KIAA0513: variants seen among roughly 807,000 people sequenced by gnomAD.
KIAA0513 encodes the protein KIAA0513, also known as uncharacterized protein KIAA0513.
Under a neutral mutation model 56.5 loss-of-function variants are expected in KIAA0513, and 39 were observed. The observed-to-expected ratio is 0.69, with a 90% CI of 0.53 to 0.90. The LOEUF (loss-of-function observed/expected upper bound fraction) is 0.90. Among genes scored for constraint, KIAA0513 ranks in the 40% least tolerant of loss-of-function variants. The pLI is 0.00. For missense variants in KIAA0513, 591 were observed against 535.2 expected (o/e 1.10, Z -1.03); for synonymous variants, 268 against 215.6 (o/e 1.24, Z -2.13).
intron 1 of KIAA0513, among the ~76,000 whole-genome samples, chr16:85,049,092 T>C (rs2073211388): frequency 6.6e-6 from 1 of 152,230 alleles, no homozygotes; most frequent in Non-Finnish European, 1.5e-5. Context: ...CCCTCTGTCT[T>C]AGCTCCCTGC....
intron 1 of KIAA0513, among the ~76,000 whole-genome samples, chr16:85,032,611 C>G (rs2072980098): frequency 6.6e-6 from 1 of 152,080 alleles, no homozygotes. Context: ...GGATGACCTC[C>G]TCTTAACTAA....
chr16:85,035,550 G>A (rs1174001894), intron 1 of KIAA0513, among the ~76,000 whole-genome samples: 1 of 152,200 alleles, frequency 6.6e-6, no homozygotes, highest in African/African-American at 2.4e-5. Flanking sequence ...GAGTGCAGTG[G>A]TGCAATCACC....
Position 85,093,200 on chromosome 16 carries a change from T to C in KIAA0513, c.*4875T>C, listed in dbSNP as rs11548969. On this transcript the variant is annotated 3_prime_UTR_variant, in exon 13 of 13. Transcript: ENST00000683363. ...GGGAGCGCGGCGCTGCCTGTAGCTG[T>C]GCCTGGGGATGCACGTGGCCACGGG... 0.38 allele frequency: 55,117 copies of C among 145,992 alleles called. 10,489 individuals carry two copies. The highest frequency in any genetic ancestry group is 0.44 in the Middle Eastern group (128 of 288). The allele number at this position is 145,992 out of a possible 1,614,324, so 9.0% of individuals were successfully genotyped here.
In KIAA0513 at chr16:85,083,842, C is replaced by G. The variant is rs1451023309; in HGVS notation, c.1010+1249C>G. Among the ~76,000 whole-genome samples the G allele has an allele frequency of 2.0e-5, 3 of 152,316 alleles. No individual in the cohort carries two copies. In the East Asian group the frequency reaches 5.8e-4, roughly 29 times the overall value. On this transcript the variant is annotated intron_variant, in intron 10 of 12. Transcript: ENST00000683363. Reference sequence around the variant, plus strand: ...AAGTCCCCAGGCAACCTCATGCTTCCAACATGCCATCTCTTTTTTGGTAAC... The same window carrying G: ...AAGTCCCCAGGCAACCTCATGCTTCGAACATGCCATCTCTTTTTTGGTAAC...
intron 9 of KIAA0513, 151 bp from the exon 10 acceptor site, chr16:85,082,413 A>C (rs1305403144): frequency 1.4e-6 from 1 of 724,280 alleles, no homozygotes; most frequent in Non-Finnish European, 2.4e-6. Context: ...ACTTCTAGGA[A>C]GTGAATTTAT....
chr16:85,071,780 T>C lies in KIAA0513; in HGVS notation c.330-3T>C, dbSNP rs544345172. ...TTCCTCTGCTCTTTTTTTTTTTTTTTAGGGAGGACTTGGATCAGGAGGAGA... is the reference window on the plus strand; with the variant it reads ...TTCCTCTGCTCTTTTTTTTTTTTTTCAGGGAGGACTTGGATCAGGAGGAGA... On this transcript the variant is annotated splice_region_variant and splice_polypyrimidine_tract_variant and intron_variant, in intron 2 of 12. Coordinates refer to ENST00000683363, the MANE Select transcript of KIAA0513 (RefSeq NM_001388359.1). 181 of 1,567,906 alleles carry C rather than the reference T, an allele frequency of 1.2e-4. 1 individual carries two copies. In the African/African-American group the frequency reaches 2.3e-3, roughly 20 times the overall value.
At position 85,089,821 on chromosome 16, in the gene KIAA0513, C is replaced by G. The variant is rs1422428516; in HGVS notation, c.*1496C>G. ...TGGAATGTTCCAGAGACGGAACATT[C>G]TCTAGAGACAACAGTCTGTGCTGCA... is the stretch of plus-strand genomic sequence containing the variant. On this transcript the variant is annotated 3_prime_UTR_variant, in exon 13 of 13. Transcript: ENST00000683363. The surrounding 1 kb of genome is among the most constrained non-coding windows in gnomAD (Gnocchi z 4.2). 1.3e-5 allele frequency: 2 copies of G among 152,144 alleles called. No homozygotes were observed. The highest frequency in any genetic ancestry group is 1.3e-4 in the Admixed American group (2 of 15,280). 9.4% of individuals were successfully genotyped at this position (152,144 alleles called of 1,614,324 possible). A position where few individuals can be genotyped will look rare whatever the true frequency, so the allele number is the denominator to read the frequency against.
rs201214311 is a variant in KIAA0513 at position 85,082,121 on chromosome 16, TG to T, written c.981-440del. 8.2e-3 allele frequency among the ~76,000 whole-genome samples: 1,250 copies of T among 152,216 alleles called. 19 individuals are homozygous for T. Among genetic ancestry groups the T allele is most frequent in the African/African-American group, 0.028 (1,175 of 41,540 alleles). The stretch of plus-strand genomic sequence containing the variant: ...CTACCCTTCACTCTTGTCAGGAGAG[TG>T]GGCAGATGGCTGCTGTTGGGGGGAA... On this transcript the variant is annotated intron_variant, in intron 9 of 12. Coordinates refer to ENST00000683363, the MANE Select transcript of KIAA0513 (RefSeq NM_001388359.1).
chr16:85,036,261 C>T (rs993810795), intron 1 of KIAA0513, among the ~76,000 whole-genome samples: 1 of 152,090 alleles, frequency 6.6e-6, no homozygotes, highest in Non-Finnish European at 1.5e-5. Context: ...TGATGCAACC[C>T]TTATCATAAT....
At chr16:85,031,309 C>T (rs1242797202) in intron 1 of KIAA0513, among the ~76,000 whole-genome samples, 2 of 152,024 alleles carry the variant, frequency 1.3e-5, no homozygotes, top group Admixed American at 6.6e-5. Flanking sequence ...GGCAAAACCC[C>T]GTCTTTACCA....
intron 6 of KIAA0513, among the ~76,000 whole-genome samples, chr16:85,078,065 G>A (rs180691835): frequency 3.9e-5 from 6 of 152,230 alleles, no homozygotes; most frequent in Admixed American, 2.6e-4. Context: ...AGAAGTAGAC[G>A]CGTAGAAGCT....
chr16:85,088,408 T>A lies in KIAA0513; in HGVS notation c.*83T>A, dbSNP rs910651339. On this transcript the variant is annotated 3_prime_UTR_variant, in exon 13 of 13. Transcript: ENST00000683363. Reference sequence around the variant, plus strand: ...AGCGCCCGGCCGTCACCCCACCCGATGACCTGCATGAAGCCAGCAGCACCC... The same window carrying A: ...AGCGCCCGGCCGTCACCCCACCCGAAGACCTGCATGAAGCCAGCAGCACCC... 4.9e-6 allele frequency: 6 copies of A among 1,216,230 alleles called. No homozygotes were observed. Among genetic ancestry groups the A allele is most frequent in the African/African-American group, 3.0e-5 (2 of 67,248 alleles). 75.3% of individuals were successfully genotyped at this position (1,216,230 alleles called of 1,614,324 possible).
At chr16:85,082,250 C>T (rs946936382) in intron 9 of KIAA0513, among the ~76,000 whole-genome samples, 18 of 152,102 alleles carry the variant, frequency 1.2e-4, no homozygotes, top group African/African-American at 4.3e-4. Context: ...TGTGCCATGG[C>T]CGCATTTCCT....
intron 1 of KIAA0513, among the ~76,000 whole-genome samples, chr16:85,030,695 G>C (rs1010818434): frequency 8.6e-5 from 13 of 150,640 alleles, no homozygotes; most frequent in Non-Finnish European, 1.5e-4. Flanking sequence ...AGTGAGCCTA[G>C]ATCGCGCCAC....
Position 85,081,281 on chromosome 16 carries a change from T to A in KIAA0513, c.903-34T>A, listed in dbSNP as rs781520935. On this transcript the variant is annotated intron_variant, in intron 8 of 12. Coordinates refer to ENST00000683363, the MANE Select transcript of KIAA0513 (RefSeq NM_001388359.1). The surrounding 1 kb of genome is among the most constrained non-coding windows in gnomAD (Gnocchi z 4.4). ...CAACCCGTGTCCTCCCCGCCTCCCC[T>A]TGGAGAGAGTGTGACTGGGGCTCTG... The A allele has an allele frequency of 6.2e-7, 1 of 1,607,970 alleles. No individual in the cohort carries two copies. The highest frequency in any genetic ancestry group is 2.2e-5 in the East Asian group (1 of 44,810).
chr16:85,066,253 AG>A (rs1235287259), intron 1 of KIAA0513, among the ~76,000 whole-genome samples: 2 of 152,102 alleles, frequency 1.3e-5, no homozygotes, highest in Non-Finnish European at 2.9e-5. Flanking sequence ...CGGAGGAAAA[AG>A]TTGGGGAATG....
Position 85,077,513 on chromosome 16 carries a change from C to A in KIAA0513, c.663C>A (p.Ala221=). ...TGAAATCCGCAAACAGCTGGCTGGC[C>A]GAAAAGAAGGACATCGCCGAGCGGC... ...SYLKSANSWL[A]EKKDIAERLL... is the part of the protein sequence containing the mutation. The change falls in exon 6 of 13, where the codon GCC becomes GCA. Residue 221 remains alanine (A), a synonymous_variant. Transcript: ENST00000683363. 1 of 1,614,182 alleles carries A rather than the reference C, an allele frequency of 6.2e-7. No individual in the cohort carries two copies. The highest frequency in any genetic ancestry group is 8.5e-7 in the Non-Finnish European group (1 of 1,180,024).
At chr16:85,030,247 C>T (rs530275080) in intron 1 of KIAA0513, among the ~76,000 whole-genome samples, 2 of 152,112 alleles carry the variant, frequency 1.3e-5, no homozygotes, top group Non-Finnish European at 2.9e-5. Flanking sequence ...CTCTGTGTTT[C>T]CAAATAGCCC....
intron 1 of KIAA0513, among the ~76,000 whole-genome samples, chr16:85,045,093 G>A (rs1237173003): frequency 6.6e-6 from 1 of 152,032 alleles, no homozygotes; most frequent in Admixed American, 6.5e-5. Flanking sequence ...ACTGCAGCCT[G>A]GGGGACAGAG....
Sources: allele counts gnomAD v4.1 joint callset (sites outside exome capture counted in the v4.1 genomes callset), GRCh38; gene constraint gnomAD v4.1.1; non-coding constraint Gnocchi (gnomAD v3.1); transcripts MANE v1.5; gene names NCBI Gene and HGNC (gene_info 2026-07-23, HGNC 2026-07-21).